FLVCR2: variants seen among roughly 807,000 people sequenced by gnomAD.
FLVCR2 encodes the protein choline/ethanolamine transporter FLVCR2.
FLVCR2 carries 38 observed loss-of-function variants against 48.9 expected under a neutral mutation model. The ratio of observed to expected loss-of-function variants is 0.78; its 90% CI spans 0.60 to 1.02. FLVCR2 has a LOEUF of 1.02. Ranked by LOEUF, FLVCR2 falls within the 50% of genes least tolerant of loss-of-function variation. The pLI, the probability that FLVCR2 is intolerant of heterozygous loss-of-function variation, is 0.00. For synonymous variants in FLVCR2, 255 were observed against 257.0 expected (o/e 0.99, Z 0.07); for missense variants, 664 against 663.3 (o/e 1.00, Z -0.01).
intron 1 of FLVCR2, among the ~76,000 whole-genome samples, chr14:75,619,476 C>T (rs1330752748): frequency 1.4e-5 from 2 of 147,746 alleles, no homozygotes; most frequent in African/African-American, 5.1e-5. Context: ...CGTTCATCTG[C>T]TCATCCATCC....
intron 1 of FLVCR2, among the ~76,000 whole-genome samples, chr14:75,618,200 A>G (rs1009411120): frequency 2.6e-5 from 4 of 152,226 alleles, no homozygotes; most frequent in South Asian, 2.1e-4. Flanking sequence ...GCAGAGCTGC[A>G]TGGAAGCTAT....
intron 1 of FLVCR2, among the ~76,000 whole-genome samples, chr14:75,612,758 T>C (rs1259264198): frequency 2.6e-5 from 4 of 152,156 alleles, no homozygotes; most frequent in Admixed American, 2.6e-4. Flanking sequence ...GGACTCTCCT[T>C]GCTTCTTTCT....
Position 75,641,174 on chromosome 14 carries a change from C to T in FLVCR2, c.1342-8C>T, listed in dbSNP as rs1381658454. The stretch of plus-strand genomic sequence containing the variant: ...CCCTTGTTTCCTATCTTCTTTATGC[C>T]TTTCCAGGTATTTGGGATCATCTTT... On this transcript the variant is annotated splice_polypyrimidine_tract_variant and splice_region_variant and intron_variant, in intron 7 of 9. Coordinates refer to ENST00000238667, the MANE Select transcript of FLVCR2 (RefSeq NM_017791.3). 2 of 1,602,292 alleles carry T rather than the reference C, an allele frequency of 1.2e-6. No homozygotes were observed. Among genetic ancestry groups the T allele is most frequent in the Non-Finnish European group, 1.7e-6 (2 of 1,169,274 alleles).
intron 1 of FLVCR2, among the ~76,000 whole-genome samples, chr14:75,596,484 G>A (rs1346329722): frequency 6.6e-6 from 1 of 152,064 alleles, no homozygotes; most frequent in Non-Finnish European, 1.5e-5. Context: ...AAAGGCACCA[G>A]TTGCTTCAGC....
At chr14:75,601,159 G>A (rs1025947313) in intron 1 of FLVCR2, among the ~76,000 whole-genome samples, 1 of 152,254 alleles carries the variant, frequency 6.6e-6, no homozygotes, top group Non-Finnish European at 1.5e-5. Context: ...TATCCCATAT[G>A]GGAAATGAAG....
In FLVCR2 at chr14:75,579,030, G is replaced by A. The variant is rs750140841; in HGVS notation, c.58G>A (p.Ala20Thr). 4.3e-6 allele frequency: 7 copies of A among 1,613,942 alleles called. No homozygotes were observed. In the East Asian group the frequency reaches 6.7e-5, roughly 15 times the overall value. Reference sequence around the variant, plus strand: ...CGATGACACCCCTGTGCCGGAGTCCGCACTCCAAGCGGACCCCAGCGTCTC... The same window carrying A: ...CGATGACACCCCTGTGCCGGAGTCCACACTCCAAGCGGACCCCAGCGTCTC... ...ESDDTPVPES[A>T]LQADPSVSVH... Residue 20 changes from alanine (A) to threonine (T), a missense_variant, in exon 1 of 10, where the codon GCA (alanine) becomes ACA (threonine). Transcript: ENST00000238667.
At chr14:75,607,504 G>T (rs977673631) in intron 1 of FLVCR2, among the ~76,000 whole-genome samples, 6 of 152,180 alleles carry the variant, frequency 3.9e-5, no homozygotes, top group African/African-American at 9.7e-5. Flanking sequence ...ACTCAGCAAG[G>T]TTCCATGGGA....
chr14:75,596,198 G>T, intron 1 of FLVCR2: 1 of 707,408 alleles, frequency 1.4e-6, no homozygotes, highest in Non-Finnish European at 2.6e-6. Context: ...TAGTTACTGT[G>T]TCGTTCATGA....
At chr14:75,639,273 G>T in intron 5 of FLVCR2, 79 bp from the exon 6 acceptor site, 2 of 910,110 alleles carry the variant, frequency 2.2e-6, no homozygotes. Flanking sequence ...ATACTTAATA[G>T]ATGCTTGTGG....
chr14:75,634,850 G>T, intron 4 of FLVCR2, 60 bp from the exon 5 acceptor site: 2 of 1,122,422 alleles, frequency 1.8e-6, no homozygotes. Flanking sequence ...CATGGTGACT[G>T]TGCTCTGTCC....
intron 7 of FLVCR2, 48 bp downstream of exon 7, chr14:75,641,108 T>A (rs1397694477): frequency 6.4e-7 from 1 of 1,557,928 alleles, no homozygotes; most frequent in Non-Finnish European, 8.9e-7. Flanking sequence ...AGGCATTGCA[T>A]CATGGCAGCT....
intron 1 of FLVCR2, among the ~76,000 whole-genome samples, chr14:75,621,696 G>A (rs1889771128): frequency 6.6e-6 from 1 of 152,166 alleles, no homozygotes; most frequent in Admixed American, 6.5e-5. Flanking sequence ...TCAGCTCTGG[G>A]TTAACAGATT....
intron 1 of FLVCR2, among the ~76,000 whole-genome samples, chr14:75,585,370 C>A (rs924953929): frequency 6.6e-6 from 1 of 152,096 alleles, no homozygotes; most frequent in African/African-American, 2.4e-5. Flanking sequence ...AAACTACTGT[C>A]AAGTTTGTAT....
chr14:75,606,965 T>G (rs543774530), intron 1 of FLVCR2, among the ~76,000 whole-genome samples: 31 of 151,800 alleles, frequency 2.0e-4, no homozygotes, highest in African/African-American at 7.2e-4. Context: ...AAAAGCAAAT[T>G]CCTGGGCACC....
intron 1 of FLVCR2, among the ~76,000 whole-genome samples, chr14:75,617,414 T>A (rs928491005): frequency 1.3e-5 from 2 of 152,104 alleles, no homozygotes; most frequent in African/African-American, 4.8e-5. Context: ...AAATAGAAAA[T>A]GAAAATTAAA....
intron 9 of FLVCR2, among the ~76,000 whole-genome samples, chr14:75,645,917 CAA>C (rs33996926): frequency 0.5 from 47,210 of 93,580 alleles, 10,503 homozygotes; most frequent in Non-Finnish European, 0.59. Context: ...GACTCCATCT[CAA>C]AAAAAAAAAA....
Position 75,579,377 on chromosome 14 carries a change from C to T in FLVCR2, c.405C>T (p.Ile135=), listed in dbSNP as rs200680630. The T allele has an allele frequency of 5.6e-6, 9 of 1,614,222 alleles. No individual in the cohort carries two copies. The highest frequency in any genetic ancestry group is 5.3e-5 in the African/African-American group (4 of 75,064). Residue 135 remains isoleucine (I), a synonymous_variant, in exon 1 of 10, where the codon ATC becomes ATT. Coordinates refer to ENST00000238667, the MANE Select transcript of FLVCR2 (RefSeq NM_017791.3). ...CCATGTGCTACATGCTGACTTACAT[C>T]CCTCTGCTCCTGCCAGTGGCTTGGC... is the stretch of plus-strand genomic sequence containing the variant. ...WLSMCYMLTY[I]PLLLPVAWLL...
intron 3 of FLVCR2, among the ~76,000 whole-genome samples, chr14:75,630,935 G>A (rs921280577): frequency 1.3e-5 from 2 of 152,108 alleles, no homozygotes; most frequent in Non-Finnish European, 2.9e-5. Flanking sequence ...CTCCTGTAAG[G>A]GGTACTCACA....
chr14:75,583,420 A>G (rs2140002548), intron 1 of FLVCR2, among the ~76,000 whole-genome samples: 1 of 152,270 alleles, frequency 6.6e-6, no homozygotes, highest in Middle Eastern at 3.4e-3. Flanking sequence ...GGGATGGGAT[A>G]TTGGTGTTGA....
Sources: gnomAD v4.1 joint callset for allele counts (sites outside exome capture counted in the v4.1 genomes callset) on GRCh38, gnomAD v4.1.1 for gene constraint, MANE v1.5 for transcripts, NCBI Gene and HGNC (gene_info 2026-07-23, HGNC 2026-07-21) for gene names.